The following SEC16B variants were observed in gnomAD, a reference collection of about 807,000 sequenced individuals.
SEC16B encodes protein transport protein Sec16B.
SEC16B carries 115 observed loss-of-function variants against 141.8 expected under a neutral mutation model. That is an observed-to-expected ratio of 0.81 (90% CI 0.70 to 0.95). The LOEUF is 0.95. Among genes scored for constraint, SEC16B ranks in the 40% least tolerant of loss-of-function variants. The pLI is 0.00. For synonymous variants in SEC16B, 493 were observed against 492.5 expected (o/e 1.00, Z -0.01); for missense variants, 1,291 against 1,312.3 (o/e 0.98, Z 0.25).
In SEC16B at chr1:177,946,472, CA is replaced by C; in HGVS notation, c.1722del (p.Phe574LeufsTer6). ...TGGTCTGTCTTCACGGTGTAGTGGC[CA>C]AAGGGCACGTGAGCCATGAGATAGC... ...HFCYLMAHVP[F>X]GHYTVKTDHL... On this transcript the variant is annotated frameshift_variant, in exon 14 of 26. Transcript: ENST00000308284. LOFTEE classifies it high-confidence loss of function. 1 of 1,585,414 alleles carries C rather than the reference CA, an allele frequency of 6.3e-7. No homozygotes were observed.
At chr1:177,982,791 G>A (rs1654473925) in intron 1 of SEC16B, among the ~76,000 whole-genome samples, 1 of 152,124 alleles carries the variant, frequency 6.6e-6, no homozygotes, top group South Asian at 2.1e-4. Context: ...CTTATTTCAA[G>A]CAATTTCATT....
At chr1:177,965,564 C>T (rs190227438) in intron 3 of SEC16B, among the ~76,000 whole-genome samples, 1 of 152,266 alleles carries the variant, frequency 6.6e-6, no homozygotes, top group African/African-American at 2.4e-5. Context: ...TATAGCCCAG[C>T]AGATGTCCTT....
At chr1:177,942,333 A>G (rs1651341425) in intron 15 of SEC16B, among the ~76,000 whole-genome samples, 1 of 152,220 alleles carries the variant, frequency 6.6e-6, no homozygotes, top group African/African-American at 2.4e-5. Context: ...GTAGCCCCAC[A>G]TATCCAGAGA....
At chr1:177,963,489 G>A (rs1653247567) in intron 5 of SEC16B, among the ~76,000 whole-genome samples, 2 of 152,228 alleles carry the variant, frequency 1.3e-5, no homozygotes, top group South Asian at 4.2e-4. Flanking sequence ...TGTAATCCCA[G>A]CTACTCGGGA....
chr1:177,965,096 A>ATT lies in SEC16B; in HGVS notation c.483_484insAA (p.Tyr162AsnfsTer113), dbSNP rs1211479749. The ATT allele has an allele frequency of 4.3e-6, 7 of 1,613,532 alleles. No homozygotes were observed. The highest frequency in any genetic ancestry group is 5.9e-6 in the Non-Finnish European group (7 of 1,179,784). ...CCAAATGGACTGTGCTGGTTTTCAT[A>ATT]ATGATGTTCATCAAGGTACTTTTGC... On this transcript the variant is annotated frameshift_variant, in exon 4 of 26. Transcript: ENST00000308284. LOFTEE classifies it high-confidence loss of function.
chr1:177,948,536 G>A (rs1442749786), intron 12 of SEC16B: 1 of 1,304,270 alleles, frequency 7.7e-7, no homozygotes, highest in South Asian at 1.2e-5. Context: ...TGCAGAGGCA[G>A]CAGAATTCCA....
intron 11 of SEC16B, 127 bp downstream of exon 11, chr1:177,954,152 A>G: frequency 1.6e-6 from 1 of 625,414 alleles, no homozygotes; most frequent in Non-Finnish European, 2.8e-6. Context: ...CAGAAAAGAG[A>G]ACATGGAAAG....
chr1:177,958,187 G>A lies in SEC16B; in HGVS notation c.1310C>T (p.Thr437Ile), dbSNP rs756720226. The A allele has an allele frequency of 2.5e-5, 40 of 1,595,126 alleles. No individual in the cohort carries two copies. The South Asian group carries it at 4.3e-4, about 17-fold the overall frequency. Reference protein sequence around the residue: ...LTGEIPPSVETPAQIVEKFTR... With the variant: ...LTGEIPPSVEIPAQIVEKFTR... The stretch of plus-strand genomic sequence containing the variant: ...GAATTTCTCCACGATCTGCGCAGGT[G>A]TCTCCACACTGGGGGGGATCTCTCC... Residue 437 changes from threonine to isoleucine, a missense_variant, in exon 10 of 26, where the codon ACA becomes ATA. This residue lies in a region of SEC16B where 681 missense variants were observed against 675.5 expected (regional missense o/e 1.01). Coordinates refer to ENST00000308284, the MANE Select transcript of SEC16B (RefSeq NM_033127.4).
intron 19 of SEC16B, 137 bp downstream of exon 19, chr1:177,937,077 C>A: frequency 4.3e-6 from 4 of 929,104 alleles, no homozygotes; most frequent in Non-Finnish European, 6.3e-6. Flanking sequence ...CCCTCCGTAA[C>A]GGGCACACAT....
At chr1:177,952,978 G>T (rs941364282) in intron 11 of SEC16B, among the ~76,000 whole-genome samples, 1 of 151,394 alleles carries the variant, frequency 6.6e-6, no homozygotes, top group South Asian at 2.1e-4. Flanking sequence ...TTAGGCCCCC[G>T]GACTGAACTT....
chr1:177,940,716 T>C lies in SEC16B; in HGVS notation c.2023-2A>G. The C allele has an allele frequency of 6.2e-7, 1 of 1,611,936 alleles. No homozygotes were observed. Among genetic ancestry groups the C allele is most frequent in the Non-Finnish European group, 8.5e-7 (1 of 1,178,644 alleles). On this transcript the variant is annotated splice_acceptor_variant, in intron 16 of 25. Transcript: ENST00000308284. LOFTEE classifies it high-confidence loss of function. ...TGACAGCTTCAGTTTCTCTGCTAGC[T>C]GTGCCAGGTTTCCAGATGGGTTAGG...
At chr1:177,970,473 A>G (rs1475612544), upstream of SEC16B, among the ~76,000 whole-genome samples, 1 of 152,212 alleles carries the variant, frequency 6.6e-6, no homozygotes, top group East Asian at 1.9e-4. Flanking sequence ...GCAGATCAAT[A>G]TTATCTTTTC....
At chr1:177,973,781 T>C (rs1456149100), upstream of SEC16B, among the ~76,000 whole-genome samples, 2 of 152,158 alleles carry the variant, frequency 1.3e-5, no homozygotes, top group African/African-American at 4.8e-5. Context: ...CATTGAATCA[T>C]AATACAATGA....
Position 177,961,011 on chromosome 1 carries a change from C to T in SEC16B, c.788-72G>A, listed in dbSNP as rs1181545080. 5.2e-6 allele frequency: 8 copies of T among 1,524,950 alleles called. No individual in the cohort carries two copies. The East Asian group carries it at 1.4e-4, about 27-fold the overall frequency. The allele number at this position is 1,524,950 out of a possible 1,614,324, so 94.5% of individuals were successfully genotyped here. A position where few individuals can be genotyped will look rare whatever the true frequency, so the allele number is the denominator to read the frequency against. On this transcript the variant is annotated intron_variant, in intron 6 of 25. Transcript: ENST00000308284. ...CACTTTTCTTTAGTTTAGGAATATG[C>T]CACAGATGTATTTCTGCCCAAATTC...
chr1:177,972,237 A>G (rs1407468277), upstream of SEC16B, among the ~76,000 whole-genome samples: 6 of 152,236 alleles, frequency 3.9e-5, no homozygotes, highest in Non-Finnish European at 1.5e-5. Flanking sequence ...CATATGGCAT[A>G]CAACAGTTAT....
chr1:177,940,763 G>A (rs775376352), intron 16 of SEC16B, 49 bp from the exon 17 acceptor site: 7 of 1,278,052 alleles, frequency 5.5e-6, no homozygotes, highest in Non-Finnish European at 7.9e-6. Context: ...AGAGAGGAGA[G>A]GAGAGAGAGG....
intron 10 of SEC16B, 138 bp from the exon 11 acceptor site, chr1:177,954,514 A>T: frequency 1.6e-6 from 1 of 641,934 alleles, no homozygotes; most frequent in Non-Finnish European, 2.8e-6. Context: ...AAGAATGTGA[A>T]CAGCCAGGAA....
intron 6 of SEC16B, 132 bp from the exon 7 acceptor site, chr1:177,961,071 G>T: frequency 1.0e-6 from 1 of 955,818 alleles, no homozygotes; most frequent in Non-Finnish European, 1.6e-6. Flanking sequence ...GGTGGGTTGT[G>T]TAATTAGAAG....
intron 14 of SEC16B, among the ~76,000 whole-genome samples, chr1:177,944,903 A>C (rs915264297): frequency 6.6e-6 from 1 of 152,122 alleles, no homozygotes; most frequent in Non-Finnish European, 1.5e-5. Flanking sequence ...TCTGCACCAG[A>C]GGCACTGGGA....
Sources: gnomAD v4.1 joint callset for allele counts (sites outside exome capture counted in the v4.1 genomes callset) on GRCh38, gnomAD v4.1.1 for gene constraint, gnomAD v4.1.1 regional missense constraint, MANE v1.5 for transcripts, NCBI Gene and HGNC (gene_info 2026-07-23, HGNC 2026-07-21) for gene names.